The following RBFOX1 variants were observed in gnomAD, a reference collection of about 807,000 sequenced individuals.
RBFOX1 encodes the protein RNA binding fox-1 homolog 1.
In RBFOX1, 8 loss-of-function variants were observed where a neutral mutation model predicts 57.7. The observed-to-expected ratio is 0.14, with a 90% confidence interval of 0.08 to 0.25. RBFOX1 has a LOEUF of 0.25. Among genes scored for constraint, RBFOX1 ranks in the 10% least tolerant of loss-of-function variants. The probability of loss-of-function intolerance (pLI) is 1.00; values close to 1 mark genes in which losing one functional copy is unlikely to be tolerated. For synonymous variants in RBFOX1, 326 were observed against 222.4 expected, an observed-to-expected ratio of 1.47 and a Z score of -4.15; for missense variants, 611 against 548.5, an observed-to-expected ratio of 1.11 and a Z score of -1.14.
chr16:7,482,945 A>G (rs2064382368), intron 4 of RBFOX1, among the ~76,000 whole-genome samples: 1 of 152,126 alleles, frequency 6.6e-6, no homozygotes, highest in African/African-American at 2.4e-5. Flanking sequence ...CCTGGGTTGG[A>G]AAAGACCTTC....
chr16:6,727,118 G>GTC (rs201853047), intron 3 of RBFOX1, among the ~76,000 whole-genome samples: 3,431 of 52,882 alleles, frequency 0.065, 177 homozygotes, highest in Admixed American at 0.3. Context: ...ATATATGTGT[G>GTC]TGTGTGTATA....
chr16:7,709,391 A>G, intron 15 of RBFOX1: 2 of 1,246,572 alleles, frequency 1.6e-6, no homozygotes, highest in Non-Finnish European at 2.1e-6. Context: ...TAATGGAATA[A>G]TTAGTCATTT....
intron 2 of RBFOX1, among the ~76,000 whole-genome samples, chr16:6,535,621 G>A (rs891764938): frequency 7.2e-5 from 11 of 152,170 alleles, no homozygotes; most frequent in African/African-American, 2.4e-4. Context: ...ATGATTCAAT[G>A]AATGATCCCA....
chr16:5,982,210 G>A (rs2060188237), intron 4 of RBFOX1, among the ~76,000 whole-genome samples: 1 of 152,064 alleles, frequency 6.6e-6, no homozygotes, highest in Non-Finnish European at 1.5e-5. Context: ...CAGCTACATT[G>A]CCGCCAAGTT....
chr16:5,853,161 A>T (rs1444627925), intron 3 of RBFOX1, among the ~76,000 whole-genome samples: 1 of 152,062 alleles, frequency 6.6e-6, no homozygotes, highest in African/African-American at 2.4e-5. Context: ...GGGCAGAGCA[A>T]GGAGGGAGTG....
intron 3 of RBFOX1, among the ~76,000 whole-genome samples, chr16:5,775,122 C>A (rs1289730583): frequency 6.6e-6 from 1 of 151,974 alleles, no homozygotes; most frequent in African/African-American, 2.4e-5. Flanking sequence ...ATGGTGTAGA[C>A]AACAGAATGT....
intron 1 of RBFOX1, among the ~76,000 whole-genome samples, chr16:6,207,267 C>A (rs1158469069): frequency 6.6e-6 from 1 of 152,188 alleles, no homozygotes; most frequent in East Asian, 1.9e-4. Context: ...TTGCATAAGG[C>A]ACACTTTATC....
At chr16:6,071,231 G>A (rs1007959378) in intron 1 of RBFOX1, among the ~76,000 whole-genome samples, 2 of 152,124 alleles carry the variant, frequency 1.3e-5, no homozygotes, top group Non-Finnish European at 2.9e-5. Flanking sequence ...TGAGATGGGA[G>A]GATCGTTTGA....
At position 6,825,376 on chromosome 16, in the gene RBFOX1, C is replaced by G. The variant is rs540926536; in HGVS notation, c.-16+170726C>G. Among the ~76,000 whole-genome samples the G allele has an allele frequency of 8.5e-4, 129 of 151,876 alleles. 2 individuals are homozygous for G. Among genetic ancestry groups the G allele is most frequent in the Non-Finnish European group, 1.4e-3 (96 of 67,968 alleles). On this transcript the variant is annotated intron_variant, in intron 3 of 15. Coordinates refer to ENST00000550418, the MANE Select transcript of RBFOX1 (RefSeq NM_018723.4). Reference sequence around the variant, plus strand: ...TCTTCTAGATATTTTTAAATACACACTTAAAATTCACGAATTAACGGAAAA... The same window carrying G: ...TCTTCTAGATATTTTTAAATACACAGTTAAAATTCACGAATTAACGGAAAA...
intron 3 of RBFOX1, among the ~76,000 whole-genome samples, chr16:7,042,041 G>C (rs1393281968): frequency 6.6e-6 from 1 of 152,178 alleles, no homozygotes; most frequent in Non-Finnish European, 1.5e-5. Context: ...CCATTGGGGA[G>C]AAAACTGGAT....
intron 1 of RBFOX1, among the ~76,000 whole-genome samples, chr16:5,462,152 G>GTTTC (rs201472515): frequency 7.1e-6 from 1 of 141,418 alleles, no homozygotes; most frequent in Non-Finnish European, 1.5e-5. Context: ...AACCCAGCGA[G>GTTTC]TTTCTTTCTT....
At chr16:5,731,756 C>A (rs182987694) in intron 3 of RBFOX1, among the ~76,000 whole-genome samples, 1 of 152,154 alleles carries the variant, frequency 6.6e-6, no homozygotes. Flanking sequence ...AGCGGTTGAA[C>A]TGTTGAGGTC....
chr16:6,130,619 C>G (rs529846031), intron 1 of RBFOX1, among the ~76,000 whole-genome samples: 45 of 152,194 alleles, frequency 3.0e-4, no homozygotes, highest in Non-Finnish European at 6.2e-4. Flanking sequence ...CCGTTATTTG[C>G]TGACTACAAG....
intron 3 of RBFOX1, among the ~76,000 whole-genome samples, chr16:6,767,745 C>G (rs1337340466): frequency 6.6e-6 from 1 of 151,644 alleles, no homozygotes; most frequent in African/African-American, 2.4e-5. Flanking sequence ...GAAACCCCAT[C>G]TCTACTAAAA....
intron 3 of RBFOX1, among the ~76,000 whole-genome samples, chr16:7,013,634 G>T (rs147952034): frequency 6.6e-6 from 1 of 152,190 alleles, no homozygotes; most frequent in Non-Finnish European, 1.5e-5. Context: ...TCAGGGAGGA[G>T]GGAGGATGCC....
At chr16:5,641,084 CAT>C (rs201035349) in intron 3 of RBFOX1, among the ~76,000 whole-genome samples, 114 of 151,566 alleles carry the variant, frequency 7.5e-4, no homozygotes, top group African/African-American at 2.2e-3. Context: ...CACACACACA[CAT>C]GCACACCATG....
chr16:5,388,240 AC>A (rs1181207617), intron 1 of RBFOX1, among the ~76,000 whole-genome samples: 1 of 152,136 alleles, frequency 6.6e-6, no homozygotes, highest in Non-Finnish European at 1.5e-5. Context: ...TCTCTGCCTC[AC>A]CGTGCTTCTA....
At chr16:6,543,147 A>G (rs1270022496) in intron 2 of RBFOX1, among the ~76,000 whole-genome samples, 1 of 152,194 alleles carries the variant, frequency 6.6e-6, no homozygotes, top group Non-Finnish European at 1.5e-5. Flanking sequence ...AATGTGGCAC[A>G]TTTGTACCCC....
At chr16:7,619,309 T>C (rs1424913367) in intron 10 of RBFOX1, among the ~76,000 whole-genome samples, 1 of 152,340 alleles carries the variant, frequency 6.6e-6, no homozygotes, top group South Asian at 2.1e-4. Context: ...TCTTTCATTT[T>C]TGAAAATGAT....
Sources: gnomAD v4.1 joint callset for allele counts (sites outside exome capture counted in the v4.1 genomes callset) on GRCh38, gnomAD v4.1.1 for gene constraint, MANE v1.5 for transcripts, NCBI Gene and HGNC (gene_info 2026-07-23, HGNC 2026-07-21) for gene names.